Variants in CRISPLD2 observed in about 807,000 individuals in gnomAD.
The protein encoded by CRISPLD2 is cysteine rich secretory protein LCCL domain containing 2.
In CRISPLD2, 47 loss-of-function variants were observed where a neutral mutation model predicts 71.1. The ratio of observed to expected loss-of-function variants is 0.66; its 90% confidence interval spans 0.52 to 0.84. The LOEUF (loss-of-function observed/expected upper bound fraction) is 0.84. Among genes scored for constraint, CRISPLD2 ranks in the 40% least tolerant of loss-of-function variants. CRISPLD2 has a pLI of 0.00. For synonymous variants in CRISPLD2, 317 were observed against 250.1 expected, an observed-to-expected ratio of 1.27 and a Z score of -2.52; for missense variants, 830 against 651.1, an observed-to-expected ratio of 1.27 and a Z score of -2.99.
intron 14 of CRISPLD2, 71 bp from the exon 15 acceptor site, chr16:84,906,517 G>A: frequency 6.5e-7 from 1 of 1,550,108 alleles, no homozygotes; most frequent in Non-Finnish European, 8.8e-7. Flanking sequence ...AGGTCTCCCT[G>A]CCCACCCAGA....
chr16:84,857,680 G>A (rs1157588867), intron 6 of CRISPLD2, among the ~76,000 whole-genome samples: 4 of 152,186 alleles, frequency 2.6e-5, no homozygotes, highest in Middle Eastern at 3.2e-3. Flanking sequence ...TAGTGCCTGC[G>A]TATCATGCAG....
chr16:84,889,497 C>A (rs2071642607), intron 14 of CRISPLD2, 134 bp downstream of exon 14: 1 of 843,108 alleles, frequency 1.2e-6, no homozygotes, highest in Non-Finnish European at 1.7e-6. Flanking sequence ...CTTACCAGGA[C>A]TCCCAGGTAA....
chr16:84,908,581 C>G lies in CRISPLD2; in HGVS notation c.*1939C>G, dbSNP rs2071825156. Reference sequence around the variant, plus strand: ...TTGAAACTTCCAGTGTGAGTTGACCCCATCATTTAAAAATAAAGTCCCCGG... The same window carrying G: ...TTGAAACTTCCAGTGTGAGTTGACCGCATCATTTAAAAATAAAGTCCCCGG... On this transcript the variant is annotated 3_prime_UTR_variant, in exon 15 of 15. Transcript: ENST00000262424. 1 of 152,170 alleles carries G rather than the reference C, an allele frequency of 6.6e-6. No individual in the cohort carries two copies. The highest frequency in any genetic ancestry group is 2.4e-5 in the African/African-American group (1 of 41,408). The allele number at this position is 152,170 out of a possible 1,614,324, so 9.4% of individuals were successfully genotyped here. A position where few individuals can be genotyped will look rare whatever the true frequency, so the allele number is the denominator to read the frequency against.
chr16:84,834,356 C>T (rs1397531078), intron 1 of CRISPLD2, among the ~76,000 whole-genome samples: 1 of 152,212 alleles, frequency 6.6e-6, no homozygotes, highest in Non-Finnish European at 1.5e-5. Context: ...TTTTCATTGT[C>T]AATGGAAAAG....
Position 84,825,776 on chromosome 16 carries a change from A to AAT in CRISPLD2, c.-75+5644_-75+5645insTA, listed in dbSNP as rs907524581. Among the ~76,000 whole-genome samples the AAT allele has an allele frequency of 4.6e-3, 702 of 151,898 alleles. 5 individuals are homozygous for AAT. Among genetic ancestry groups the AAT allele is most frequent in the African/African-American group, 0.016 (671 of 41,450 alleles). On this transcript the variant is annotated intron_variant, in intron 1 of 14. Transcript: ENST00000262424. The stretch of plus-strand genomic sequence containing the variant: ...TCTCAAATAAATAAATAAATAAATA[A>AAT]AAATAAATACATAAATACATAAAAT...
At chr16:84,848,384 G>A (rs964276812) in intron 3 of CRISPLD2, among the ~76,000 whole-genome samples, 14 of 151,820 alleles carry the variant, frequency 9.2e-5, no homozygotes, top group South Asian at 2.1e-4. Flanking sequence ...TCTCTTCATC[G>A]AAACCACTTT....
intron 6 of CRISPLD2, among the ~76,000 whole-genome samples, chr16:84,864,210 GC>G (rs1214922074): frequency 1.3e-5 from 2 of 152,102 alleles, no homozygotes; most frequent in Non-Finnish European, 2.9e-5. Flanking sequence ...ATTTCCCCAG[GC>G]CCGTGCTGGG....
intron 14 of CRISPLD2, among the ~76,000 whole-genome samples, chr16:84,896,507 C>G (rs1260414270): frequency 6.6e-6 from 1 of 152,140 alleles, no homozygotes; most frequent in Non-Finnish European, 1.5e-5. Flanking sequence ...CAGCAAAAAC[C>G]ATACTTCAAA....
Position 84,838,528 on chromosome 16 carries a change from G to C in CRISPLD2, c.33G>C (p.Leu11Phe). 1 of 1,614,176 alleles carries C rather than the reference G, an allele frequency of 6.2e-7. No homozygotes were observed. The highest frequency in any genetic ancestry group is 1.3e-5 in the African/African-American group (1 of 75,044). MSCVLGGVIP[L>F]GLLFLVCGSQ... ...GCGTCCTGGGTGGTGTCATCCCCTT[G>C]GGGCTGCTGTTCCTGGTCTGCGGAT... The change falls in exon 2 of 15, where the codon TTG (leucine) becomes TTC (phenylalanine). Residue 11 changes from leucine (L) to phenylalanine (F), a missense_variant. By Grantham distance (22) the Leu-to-Phe change is conservative. Transcript: ENST00000262424.
At chr16:84,833,881 A>C (rs796963928) in intron 1 of CRISPLD2, among the ~76,000 whole-genome samples, 6 of 152,268 alleles carry the variant, frequency 3.9e-5, no homozygotes, top group African/African-American at 1.4e-4. Flanking sequence ...CCTTCCCAGG[A>C]GGCAGAAGAG....
At chr16:84,854,951 G>T (rs750359686) in intron 6 of CRISPLD2, 122 bp downstream of exon 6, 53 of 753,246 alleles carry the variant, frequency 7.0e-5, no homozygotes, top group Middle Eastern at 2.3e-4. Context: ...TATTTAAGAC[G>T]CTCTCAGCAC....
At chr16:84,855,409 C>T (rs957122915) in intron 6 of CRISPLD2, among the ~76,000 whole-genome samples, 1 of 152,164 alleles carries the variant, frequency 6.6e-6, no homozygotes, top group Non-Finnish European at 1.5e-5. Flanking sequence ...CAACTTCAAG[C>T]CCGATGTTTG....
intron 1 of CRISPLD2, among the ~76,000 whole-genome samples, chr16:84,830,228 G>C (rs537839943): frequency 1.3e-5 from 2 of 152,172 alleles, no homozygotes; most frequent in African/African-American, 2.4e-5. Context: ...AGGCTGAGGT[G>C]GGAGGATCAT....
chr16:84,876,487 G>C (rs1218944717), intron 11 of CRISPLD2, among the ~76,000 whole-genome samples: 6 of 147,548 alleles, frequency 4.1e-5, no homozygotes, highest in African/African-American at 1.5e-4. Flanking sequence ...GGGCGACAGA[G>C]TGAGACTCCG....
chr16:84,884,951 C>G (rs1000259088), intron 13 of CRISPLD2, among the ~76,000 whole-genome samples: 1 of 152,210 alleles, frequency 6.6e-6, no homozygotes, highest in African/African-American at 2.4e-5. Flanking sequence ...TCCTGGCGTT[C>G]CACTGGGAAA....
At chr16:84,893,606 A>G (rs991472973) in intron 14 of CRISPLD2, among the ~76,000 whole-genome samples, 12 of 152,162 alleles carry the variant, frequency 7.9e-5, no homozygotes, top group Admixed American at 7.9e-4. Flanking sequence ...AGAAATGACA[A>G]TGCCAGCAGC....
chr16:84,821,699 G>A (rs1390905522), intron 1 of CRISPLD2, among the ~76,000 whole-genome samples: 1 of 152,224 alleles, frequency 6.6e-6, no homozygotes, highest in East Asian at 1.9e-4. Context: ...AATGTACCCA[G>A]GGAGGAGAAA....
intron 12 of CRISPLD2, among the ~76,000 whole-genome samples, chr16:84,878,534 C>T (rs2071541170): frequency 6.6e-6 from 1 of 152,206 alleles, no homozygotes; most frequent in Admixed American, 6.5e-5. Flanking sequence ...AATCCTCATG[C>T]AGCATTCCAT....
intron 1 of CRISPLD2, among the ~76,000 whole-genome samples, chr16:84,821,263 A>C (rs930076452): frequency 2.0e-5 from 3 of 152,196 alleles, no homozygotes; most frequent in South Asian, 4.1e-4. Context: ...GACTGAGGCC[A>C]TGAGTTGTGA....
Sources: allele counts gnomAD v4.1 joint callset (sites outside exome capture counted in the v4.1 genomes callset), GRCh38; gene constraint gnomAD v4.1.1; transcripts MANE v1.5; gene names NCBI Gene and HGNC (gene_info 2026-07-23, HGNC 2026-07-21).